ADAM12: variants seen among roughly 807,000 people sequenced by gnomAD.
ADAM12 encodes ADAM metallopeptidase domain 12.
Under a neutral mutation model 106.4 loss-of-function variants are expected in ADAM12, and 70 were observed. That is an observed-to-expected ratio of 0.66 (90% CI 0.54 to 0.80). ADAM12 has a LOEUF of 0.80. Ranked by LOEUF, ADAM12 falls within the 30% of genes least tolerant of loss-of-function variation. The pLI, the probability that ADAM12 is intolerant of heterozygous loss-of-function variation, is 0.00. For missense variants in ADAM12, 1,010 were observed against 1,171.9 expected, an observed-to-expected ratio of 0.86 and a Z score of 2.02; for synonymous variants, 420 against 433.5, an observed-to-expected ratio of 0.97 and a Z score of 0.39.
intron 18 of ADAM12, chr10:126,041,334 G>A (rs1954163111): frequency 1.0e-6 from 1 of 985,702 alleles, no homozygotes. Context: ...GAACAGGGTG[G>A]AGGCAGCGGT....
intron 3 of ADAM12, among the ~76,000 whole-genome samples, chr10:126,182,495 A>G (rs1957330899): frequency 6.6e-6 from 1 of 152,222 alleles, no homozygotes; most frequent in Admixed American, 6.5e-5. Context: ...TGATCTTTTC[A>G]AAGTATCCTT....
intron 11 of ADAM12, among the ~76,000 whole-genome samples, chr10:126,085,961 T>C (rs544271773): frequency 2.3e-3 from 357 of 152,292 alleles, no homozygotes; most frequent in Non-Finnish European, 4.0e-3. Flanking sequence ...TACCCTACAC[T>C]GTGGCCTCTG....
chr10:126,341,332 C>G (rs540967593), intron 1 of ADAM12, among the ~76,000 whole-genome samples: 4 of 152,254 alleles, frequency 2.6e-5, no homozygotes, highest in African/African-American at 9.6e-5. Context: ...CATGTGCAGA[C>G]AAGTATTTGT....
At position 126,155,196 on chromosome 10, in the gene ADAM12, G is replaced by A. The variant is rs184814368; in HGVS notation, c.339+31C>T. 1.5e-5 allele frequency: 24 copies of A among 1,607,402 alleles called. No homozygotes were observed. In the South Asian group the frequency reaches 2.4e-4, roughly 16 times the overall value. On this transcript the variant is annotated intron_variant, in intron 4 of 22. Transcript: ENST00000448723. ...GTTAAGCACAGATCCAGTGGTGTAA[G>A]ATTATGGTGATCCCAACGTGCCAGA...
chr10:126,161,272 A>G (rs980217598), intron 3 of ADAM12, among the ~76,000 whole-genome samples: 3 of 152,100 alleles, frequency 2.0e-5, no homozygotes, highest in Non-Finnish European at 4.4e-5. Context: ...AGCCCCTGAT[A>G]TCTCATTTAA....
chr10:126,062,419 C>T (rs1305027857), intron 14 of ADAM12, among the ~76,000 whole-genome samples: 1 of 152,076 alleles, frequency 6.6e-6, no homozygotes, highest in Admixed American at 6.6e-5. Flanking sequence ...CCTGGGTGCT[C>T]AGACCTCCAG....
intron 14 of ADAM12, among the ~76,000 whole-genome samples, chr10:126,062,713 C>A (rs189586199): frequency 4.1e-4 from 62 of 152,284 alleles, no homozygotes; most frequent in Admixed American, 3.4e-3. Context: ...GCCAGCTGTT[C>A]GAATACGGCA....
chr10:126,203,525 C>T (rs917228203), intron 3 of ADAM12, among the ~76,000 whole-genome samples: 1 of 152,122 alleles, frequency 6.6e-6, no homozygotes, highest in Non-Finnish European at 1.5e-5. Context: ...CATAAACACG[C>T]AGAAATACAG....
chr10:126,228,069 C>A (rs1412714563), intron 3 of ADAM12, among the ~76,000 whole-genome samples: 1 of 152,114 alleles, frequency 6.6e-6, no homozygotes, highest in East Asian at 1.9e-4. Flanking sequence ...TCAAGGACGG[C>A]CCCAGACACT....
chr10:126,316,797 A>G (rs185884884), intron 2 of ADAM12, among the ~76,000 whole-genome samples: 1,981 of 151,884 alleles, frequency 0.013, 20 homozygotes, highest in South Asian at 0.029. Flanking sequence ...AAAAAAAAAA[A>G]AAAAGAAAAG....
intron 3 of ADAM12, among the ~76,000 whole-genome samples, chr10:126,160,586 G>A (rs1171606093): frequency 2.6e-5 from 4 of 152,138 alleles, no homozygotes; most frequent in Non-Finnish European, 5.9e-5. Context: ...CAGGTGTCAT[G>A]CGCTCCACAC....
At chr10:126,100,252 C>T (rs77978899) in intron 9 of ADAM12, among the ~76,000 whole-genome samples, 3,003 of 152,138 alleles carry the variant, frequency 0.02, 86 homozygotes, top group East Asian at 0.084. Context: ...CTATGCTTCC[C>T]GGTATTCTCT....
At chr10:126,374,939 C>T (rs1321947028) in intron 1 of ADAM12, among the ~76,000 whole-genome samples, 2 of 152,044 alleles carry the variant, frequency 1.3e-5, no homozygotes, top group African/African-American at 4.8e-5. Flanking sequence ...CCACCACCAC[C>T]ACCAAAGAAC....
chr10:126,108,648 T>A lies in ADAM12; in HGVS notation c.686A>T (p.Lys229Ile). Reference protein sequence around the residue: ...ADNREFQRQGKDLEKVKQRLI... With the variant: ...ADNREFQRQGIDLEKVKQRLI... ...TCGCTGCTTAACTTTTTCCAGATCT[T>A]TTCCTTGCCTCTGAAACTTAACAAT... The change falls in exon 8 of 23, where the codon AAA (lysine) becomes ATA (isoleucine). Residue 229 changes from lysine (K) to isoleucine (I), a missense_variant. Transcript: ENST00000448723. 1 of 1,614,084 alleles carries A rather than the reference T, an allele frequency of 6.2e-7. No individual in the cohort carries two copies.
At chr10:126,086,706 TAAA>T (rs1357802238) in intron 11 of ADAM12, among the ~76,000 whole-genome samples, 2 of 65,196 alleles carry the variant, frequency 3.1e-5, no homozygotes, top group African/African-American at 1.2e-4. Context: ...TATATATATA[TAAA>T]ATAAAATAGG....
At chr10:126,319,406 T>C (rs556542062) in intron 2 of ADAM12, among the ~76,000 whole-genome samples, 2 of 152,120 alleles carry the variant, frequency 1.3e-5, no homozygotes, top group South Asian at 2.1e-4. Flanking sequence ...CTTGATATGG[T>C]GTAACAAGAT....
rs779097117 is a variant in ADAM12, at chr10:126,064,394, C to T, written c.1609+412G>A. Among the ~76,000 whole-genome samples, 3 of 152,168 alleles carry T rather than the reference C, an allele frequency of 2.0e-5. No individual in the cohort carries two copies. The highest frequency in any genetic ancestry group is 2.0e-4 in the Admixed American group (3 of 15,284). ...TGGTGGGAAAGTTCTGTCTGTCTGT[C>T]CAACTACGTGCTATGCTATCTGAGG... On this transcript the variant is annotated intron_variant, in intron 14 of 22. Transcript: ENST00000448723. The surrounding 1 kb of genome is among the most constrained non-coding windows in gnomAD (Gnocchi z 4.4).
At position 126,132,753 on chromosome 10, in the gene ADAM12, G is replaced by A. The variant is rs988575514; in HGVS notation, c.416+2831C>T. ...AGAGAGGCCCAGTGACCTGTCCATC[G>A]TCACACAGCTAATTCACCACCCTGA... On this transcript the variant is annotated intron_variant, in intron 5 of 22. Transcript: ENST00000448723. Among the ~76,000 whole-genome samples the A allele has an allele frequency of 5.3e-5, 8 of 151,988 alleles. No individual in the cohort carries two copies. In the South Asian group the frequency reaches 8.3e-4, roughly 16 times the overall value.
intron 3 of ADAM12, among the ~76,000 whole-genome samples, chr10:126,158,213 AT>A (rs66498856): frequency 1 from 147,602 of 147,604 alleles, 73,800 homozygotes; most frequent in Non-Finnish European, 1. Context: ...AACACAGGAC[AT>A]ATCTGCAGAG....
Sources: gnomAD v4.1 joint callset for allele counts (sites outside exome capture counted in the v4.1 genomes callset) on GRCh38, gnomAD v4.1.1 for gene constraint, Gnocchi (gnomAD v3.1) non-coding constraint, MANE v1.5 for transcripts, NCBI Gene and HGNC (gene_info 2026-07-23, HGNC 2026-07-21) for gene names.